The following RPH3AL variants were observed in gnomAD, a reference collection of about 807,000 sequenced individuals.
RPH3AL encodes the protein rab effector Noc2.
Under a neutral mutation model 43.1 loss-of-function variants are expected in RPH3AL, and 38 were observed. That is an observed-to-expected ratio of 0.88 (90% CI 0.68 to 1.15). The LOEUF (loss-of-function observed/expected upper bound fraction) is 1.15. Ranked by LOEUF, RPH3AL falls within the 50% of genes most tolerant of loss-of-function variation. The probability of loss-of-function intolerance (pLI) is 0.00; values close to 1 mark genes in which losing one functional copy is unlikely to be tolerated. For missense variants in RPH3AL, 462 were observed against 423.2 expected (o/e 1.09, Z -0.81); for synonymous variants, 189 against 176.3 (o/e 1.07, Z -0.57).
intron 6 of RPH3AL, among the ~76,000 whole-genome samples, chr17:267,934 TTCCAGTAAATACCTG>T (rs375596611): frequency 3.1e-4 from 47 of 152,216 alleles, no homozygotes; most frequent in African/African-American, 1.1e-3. Flanking sequence ...AAGAATCATA[TTCCAGTAAATACCTG>T]TGAGCTCATC....
At chr17:259,199 G>C (rs1597957756) in intron 6 of RPH3AL, among the ~76,000 whole-genome samples, 1 of 152,332 alleles carries the variant, frequency 6.6e-6, no homozygotes, top group East Asian at 1.9e-4. Context: ...ATCTGGACCA[G>C]CGTGAGGAGC....
intron 5 of RPH3AL, among the ~76,000 whole-genome samples, chr17:316,426 C>G (rs1320913472): frequency 7.1e-4 from 108 of 151,578 alleles, no homozygotes; most frequent in Admixed American, 1.2e-3. Flanking sequence ...GACCCCACCT[C>G]CATTGACCTG....
chr17:219,526 CTTT>C (rs375837087), intron 8 of RPH3AL, 94 bp downstream of exon 8: 235 of 144,432 alleles, frequency 1.6e-3, no homozygotes, highest in East Asian at 4.8e-3. Context: ...CTTTTTCTTC[CTTT>C]TTTTTTTTTT....
chr17:247,025 G>C, intron 7 of RPH3AL, 86 bp downstream of exon 7: 1 of 1,429,832 alleles, frequency 7.0e-7, no homozygotes, highest in Non-Finnish European at 9.8e-7. Flanking sequence ...GGGTGCGGGG[G>C]ACTGGCCTTG....
chr17:270,088 G>A (rs140135260), intron 6 of RPH3AL, among the ~76,000 whole-genome samples: 1 of 152,252 alleles, frequency 6.6e-6, no homozygotes, highest in African/African-American at 2.4e-5. Flanking sequence ...AACACACTGA[G>A]GAAGTATGAC....
At chr17:242,558 CCTTCCTCTATTGACTA>C (rs2041577667) in intron 7 of RPH3AL, among the ~76,000 whole-genome samples, 144 of 92,540 alleles carry the variant, frequency 1.6e-3, no homozygotes, top group African/African-American at 2.5e-3. Flanking sequence ...CTATTGATTA[CCTTCCTCTATTGACTA>C]CCTTCCTCTA....
chr17:244,422 G>A (rs1555538851), intron 7 of RPH3AL, among the ~76,000 whole-genome samples: 2 of 151,318 alleles, frequency 1.3e-5, no homozygotes, highest in African/African-American at 4.8e-5. Context: ...GAGAGAGGGA[G>A]AGAAGGGAAG....
intron 5 of RPH3AL, among the ~76,000 whole-genome samples, chr17:286,224 G>A (rs1028657670): frequency 2.0e-5 from 3 of 152,218 alleles, no homozygotes; most frequent in South Asian, 2.1e-4. Flanking sequence ...CTGGGGACAG[G>A]AGCAGCGTGG....
At chr17:277,600 T>C (rs2042683460) in intron 6 of RPH3AL, among the ~76,000 whole-genome samples, 1 of 152,078 alleles carries the variant, frequency 6.6e-6, no homozygotes, top group Non-Finnish European at 1.5e-5. Flanking sequence ...GAGGGGGAGA[T>C]CGGATTCTGT....
intron 6 of RPH3AL, among the ~76,000 whole-genome samples, chr17:268,955 C>G (rs150135283): frequency 6.6e-6 from 1 of 151,996 alleles, no homozygotes; most frequent in South Asian, 2.1e-4. Flanking sequence ...CTCGGCTCAC[C>G]GCAAGCTCTG....
Position 328,946 on chromosome 17 carries a change from C to T in RPH3AL, c.-36-1367G>A, listed in dbSNP as rs552838419. On this transcript the variant is annotated intron_variant, in intron 2 of 9. Coordinates refer to ENST00000331302, the MANE Select transcript of RPH3AL (RefSeq NM_006987.4). This position sits in a 1 kb window ranked among gnomAD's most constrained non-coding sequence, Gnocchi z 4.2. ...TCCAGAATAAGCAAATCTAGAGAGACGGAAGGTGAGGAGTGGTTGTCAGGG... is the reference window on the plus strand; with the variant it reads ...TCCAGAATAAGCAAATCTAGAGAGATGGAAGGTGAGGAGTGGTTGTCAGGG... 2.6e-5 allele frequency among the ~76,000 whole-genome samples: 4 copies of T among 152,158 alleles called. No individual in the cohort carries two copies. Among genetic ancestry groups the T allele is most frequent in the South Asian group, 2.1e-4 (1 of 4,822 alleles).
rs538827974 is a variant in RPH3AL, at chr17:300,721, T to C, written c.351+18699A>G. On this transcript the variant is annotated intron_variant, in intron 5 of 9. Transcript: ENST00000331302. Reference sequence around the variant, plus strand: ...TGGCCCAGCCTAGACCTGCAGAATCTCTCACCCACTCTAGCAGGGGCTGGC... The same window carrying C: ...TGGCCCAGCCTAGACCTGCAGAATCCCTCACCCACTCTAGCAGGGGCTGGC... 1.7e-4 allele frequency among the ~76,000 whole-genome samples: 23 copies of C among 138,450 alleles called. 1 individual carries two copies. In the East Asian group the frequency reaches 5.5e-3, roughly 33 times the overall value. 90.8% of individuals were successfully genotyped at this position (138,450 alleles called of 152,430 possible). A position where few individuals can be genotyped will look rare whatever the true frequency, so the allele number is the denominator to read the frequency against.
intron 7 of RPH3AL, among the ~76,000 whole-genome samples, chr17:222,927 C>G (rs1045922340): frequency 2.6e-5 from 4 of 152,198 alleles, no homozygotes; most frequent in African/African-American, 7.2e-5. Context: ...TGGTGGCTCA[C>G]GCCTGTAATC....
intron 5 of RPH3AL, among the ~76,000 whole-genome samples, chr17:304,453 A>G (rs78733064): frequency 0.14 from 21,845 of 152,210 alleles, 2,036 homozygotes; most frequent in Non-Finnish European, 0.22. Context: ...TAGTAAGACC[A>G]AGAGAAGCTA....
Position 264,665 on chromosome 17 carries a change from C to T in RPH3AL, c.438+17103G>A, listed in dbSNP as rs576980626. On this transcript the variant is annotated intron_variant, in intron 6 of 9. Coordinates refer to ENST00000331302, the MANE Select transcript of RPH3AL (RefSeq NM_006987.4). The surrounding 1 kb of genome is among the most constrained non-coding windows in gnomAD (Gnocchi z 4.8). Reference sequence around the variant, plus strand: ...CACATTTGTGACCACACAGGACCAACGCAGGAAGAGGTCAGCATTTGCTCT... The same window carrying T: ...CACATTTGTGACCACACAGGACCAATGCAGGAAGAGGTCAGCATTTGCTCT... Among the ~76,000 whole-genome samples the T allele has an allele frequency of 2.0e-5, 3 of 152,292 alleles. No homozygotes were observed. The highest frequency in any genetic ancestry group is 2.1e-4 in the South Asian group (1 of 4,826).
Position 337,209 on chromosome 17 carries a change from C to T in RPH3AL, c.-212-3275G>A, listed in dbSNP as rs537367705. Reference sequence around the variant, plus strand: ...CAGTTCACTGCAGCCTCCAACTCCTCGGCTCCCGTGATCCTCGCATCAGCC... The same window carrying T: ...CAGTTCACTGCAGCCTCCAACTCCTTGGCTCCCGTGATCCTCGCATCAGCC... On this transcript the variant is annotated intron_variant, in intron 1 of 9. Coordinates refer to ENST00000331302, the MANE Select transcript of RPH3AL (RefSeq NM_006987.4). Among the ~76,000 whole-genome samples, 44 of 152,094 alleles carry T rather than the reference C, an allele frequency of 2.9e-4. No individual in the cohort carries two copies. In the South Asian group the frequency reaches 3.5e-3, roughly 12 times the overall value.
chr17:230,970 G>A (rs1029982291), intron 7 of RPH3AL, among the ~76,000 whole-genome samples: 2 of 152,210 alleles, frequency 1.3e-5, no homozygotes, highest in Non-Finnish European at 2.9e-5. Flanking sequence ...ACAGGCGTGA[G>A]CCATGGCACC....
At chr17:324,118 G>A (rs1419145833) in intron 3 of RPH3AL, among the ~76,000 whole-genome samples, 1 of 152,200 alleles carries the variant, frequency 6.6e-6, no homozygotes, top group Non-Finnish European at 1.5e-5. Context: ...AGGAAACGAG[G>A]TGCGGAACGT....
intron 3 of RPH3AL, among the ~76,000 whole-genome samples, chr17:324,299 G>A (rs2044558176): frequency 6.6e-6 from 1 of 152,122 alleles, no homozygotes; most frequent in Non-Finnish European, 1.5e-5. Context: ...CCGCCTCCGG[G>A]CCCCAGTCAT....
Sources: gnomAD v4.1 joint callset for allele counts (sites outside exome capture counted in the v4.1 genomes callset) on GRCh38, gnomAD v4.1.1 for gene constraint, Gnocchi (gnomAD v3.1) non-coding constraint, MANE v1.5 for transcripts, NCBI Gene and HGNC (gene_info 2026-07-23, HGNC 2026-07-21) for gene names.